The following CLCN5 variants were observed in gnomAD, a reference collection of about 807,000 sequenced individuals.
CLCN5 encodes Cl-/H+ antiporter 5.
Under a neutral mutation model 54.0 loss-of-function variants are expected in CLCN5, and 17 were observed. The observed-to-expected ratio is 0.31, with a 90% CI of 0.22 to 0.47. The LOEUF (loss-of-function observed/expected upper bound fraction) is 0.47, where lower values mean the gene tolerates loss of function less well. CLCN5 is among the 20% of genes least tolerant of loss of function. CLCN5 has a pLI of 1.00. For missense variants in CLCN5, 448 were observed against 646.7 expected (o/e 0.69, Z 3.33); for synonymous variants, 222 against 233.0 (o/e 0.95, Z 0.43).
At chrX:49,941,920 CT>C (rs782574821) in intron 3 of CLCN5, among the ~76,000 whole-genome samples, 1,784 of 60,474 alleles carry the variant, frequency 0.03, 29 homozygotes, top group African/African-American at 0.12. Flanking sequence ...CAATCAGTAT[CT>C]TTTTTTTTTT....
At chrX:49,939,352 G>A (rs908777590) in intron 3 of CLCN5, among the ~76,000 whole-genome samples, 46 of 110,185 alleles carry the variant, frequency 4.2e-4, no homozygotes, top group Middle Eastern at 4.6e-3. Flanking sequence ...TGTTTATTGC[G>A]GCACTATTCA....
intron 8 of CLCN5, among the ~76,000 whole-genome samples, chrX:50,081,241 C>T (rs782685943): frequency 8.3e-5 from 9 of 108,954 alleles, no homozygotes; most frequent in Admixed American, 5.8e-4. Context: ...TTTTTTAAGC[C>T]AGGGAATCAA....
intron 7 of CLCN5, among the ~76,000 whole-genome samples, chrX:50,077,912 C>A (rs782259215): frequency 2.0e-5 from 2 of 101,996 alleles, no homozygotes; most frequent in East Asian, 6.2e-4. Context: ...CCTGTAATGC[C>A]AGCTACTCAG....
intron 3 of CLCN5, among the ~76,000 whole-genome samples, chrX:49,979,381 A>G (rs1248691100): frequency 8.9e-6 from 1 of 111,904 alleles, no homozygotes; most frequent in African/African-American, 3.2e-5. Flanking sequence ...ATCACTGATC[A>G]ATGAGAAAAC....
intron 3 of CLCN5, among the ~76,000 whole-genome samples, chrX:49,934,531 G>C (rs1557169324): frequency 9.0e-6 from 1 of 111,328 alleles, no homozygotes; most frequent in Non-Finnish European, 1.9e-5. Flanking sequence ...AGTATGAAGT[G>C]TCTCCCTTAG....
Position 49,929,912 on chromosome X carries a change from TATA to T in CLCN5, c.16+4601_16+4603del, listed in dbSNP as rs1213401571. Among the ~76,000 whole-genome samples, 4 of 110,364 alleles carry T rather than the reference TATA, an allele frequency of 3.6e-5. No individual in the cohort carries two copies. The Admixed American group carries it at 3.9e-4, about 11-fold the overall frequency. ...GTAGAATAATAAGGAAAAAGATTAA[TATA>T]ATCAGTTATATGAAAATTTAAAATT... On this transcript the variant is annotated intron_variant, in intron 3 of 14. Coordinates refer to ENST00000376091, the MANE Select transcript of CLCN5 (RefSeq NM_001127898.4).
At position 50,086,522 on chromosome X, in the gene CLCN5, A is replaced by C; in HGVS notation, c.1209A>C (p.Gly403=). The C allele has an allele frequency of 1.7e-6, 2 of 1,210,585 alleles. No homozygotes were observed. Among genetic ancestry groups the C allele is most frequent in the Non-Finnish European group, 2.2e-6 (2 of 895,227 alleles). Residue 403 remains glycine, a synonymous_variant, in exon 11 of 15, where the codon GGA becomes GGC. Coordinates refer to ENST00000376091, the MANE Select transcript of CLCN5 (RefSeq NM_001127898.4). The part of the protein sequence containing the change: ...ILLGIFGGLW[G]ALFIRTNIAW... ...TGGGCATATTTGGTGGTCTGTGGGGAGCACTGTTTATCCGCACAAACATTG... is the reference window on the plus strand; with the variant it reads ...TGGGCATATTTGGTGGTCTGTGGGGCGCACTGTTTATCCGCACAAACATTG...
intron 3 of CLCN5, among the ~76,000 whole-genome samples, chrX:49,990,172 ATTT>A (rs1267837771): frequency 1.9e-5 from 2 of 104,838 alleles, no homozygotes; most frequent in African/African-American, 6.9e-5. Context: ...AATGTGGATA[ATTT>A]TTTTTTTTTA....
At chrX:49,924,371 G>C (rs868907485) in intron 2 of CLCN5, among the ~76,000 whole-genome samples, 2 of 111,660 alleles carry the variant, frequency 1.8e-5, no homozygotes, top group Admixed American at 9.5e-5. Flanking sequence ...GTTTCACCAT[G>C]TTGGCCAGGC....
intron 3 of CLCN5, among the ~76,000 whole-genome samples, chrX:50,015,929 C>T (rs1407473697): frequency 1.8e-5 from 2 of 111,580 alleles, no homozygotes; most frequent in African/African-American, 6.5e-5. Context: ...CTTCTTCTCT[C>T]CCAGATTCTC....
At chrX:49,942,162 G>C (rs781895796) in intron 3 of CLCN5, among the ~76,000 whole-genome samples, 1 of 28 alleles carries the variant, frequency 0.036, no homozygotes, top group Non-Finnish European at 0.11. Context: ...GAATGAATTC[G>C]AGTGGCATTC....
chrX:50,074,079 C>T (rs781951984), intron 6 of CLCN5, among the ~76,000 whole-genome samples: 6 of 111,849 alleles, frequency 5.4e-5, no homozygotes, highest in African/African-American at 1.9e-4. Flanking sequence ...ATTATATGAC[C>T]TAGCAGTTAG....
chrX:50,086,385 G>T lies in CLCN5; in HGVS notation c.1072G>T (p.Ala358Ser). ...GCGTTCATTCTTTGCTGCCTTGGTG[G>T]CAGCATTCACTCTACGCTCCATCAA... is the stretch of plus-strand genomic sequence containing the variant. ...LWRSFFAALV[A>S]AFTLRSINPF... Residue 358 changes from alanine to serine, a missense_variant, in exon 11 of 15, where the codon GCA becomes TCA. Physicochemically the swap from Ala to Ser is moderately conservative, Grantham distance 99 (BLOSUM62 1). Transcript: ENST00000376091. The T allele has an allele frequency of 8.3e-7, 1 of 1,210,384 alleles. No homozygotes were observed. The highest frequency in any genetic ancestry group is 1.1e-6 in the Non-Finnish European group (1 of 894,618).
chrX:50,050,297 C>T (rs1932533195), intron 4 of CLCN5: 1 of 112,142 alleles, frequency 8.9e-6, no homozygotes, highest in African/African-American at 3.2e-5. Flanking sequence ...ACCAAACTGT[C>T]TGCCAAAGTG....
chrX:49,971,309 G>GTT (rs1196069428), intron 3 of CLCN5, among the ~76,000 whole-genome samples: 2 of 101,882 alleles, frequency 2.0e-5, no homozygotes, highest in East Asian at 6.0e-4. Flanking sequence ...ATATAATCAT[G>GTT]TTATATATAT....
At chrX:50,056,861 ACT>A (rs1160636923) in intron 4 of CLCN5, among the ~76,000 whole-genome samples, 3 of 111,116 alleles carry the variant, frequency 2.7e-5, no homozygotes, top group Non-Finnish European at 5.7e-5. Context: ...TTTTCTCATA[ACT>A]CTCAAACTTC....
At chrX:49,927,163 G>A (rs1557168128) in intron 3 of CLCN5, among the ~76,000 whole-genome samples, 2 of 111,712 alleles carry the variant, frequency 1.8e-5, no homozygotes, top group Admixed American at 9.5e-5. Context: ...GGGATCTAAA[G>A]TTTTGTTCCT....
At chrX:50,002,970 TAAAG>T (rs782457810) in intron 3 of CLCN5, among the ~76,000 whole-genome samples, 3 of 111,127 alleles carry the variant, frequency 2.7e-5, no homozygotes, top group Non-Finnish European at 5.7e-5. Context: ...GGAATAAAAA[TAAAG>T]GAAAAGAAAG....
intron 7 of CLCN5, among the ~76,000 whole-genome samples, chrX:50,076,308 G>A (rs1272211159): frequency 8.9e-6 from 1 of 112,146 alleles, no homozygotes; most frequent in African/African-American, 3.2e-5. Context: ...GCAGCCAACA[G>A]GTGAGCTATA....
Sources: allele counts gnomAD v4.1 joint callset (sites outside exome capture counted in the v4.1 genomes callset), GRCh38; gene constraint gnomAD v4.1.1; transcripts MANE v1.5; gene names NCBI Gene and HGNC (gene_info 2026-07-23, HGNC 2026-07-21).